CALN1: variants seen among roughly 807,000 people sequenced by gnomAD.
The protein encoded by CALN1 is calcium-binding protein 8.
A neutral mutation model predicts 30.6 loss-of-function variants in CALN1; 17 were observed. The ratio of observed to expected loss-of-function variants is 0.56; its 90% CI spans 0.38 to 0.83. The LOEUF is 0.83. CALN1 is among the 40% of genes least tolerant of loss of function. The pLI is 0.00. For synonymous variants in CALN1, 156 were observed against 131.4 expected (o/e 1.19, Z -1.28); for missense variants, 291 against 354.9 (o/e 0.82, Z 1.45).
At chr7:72,396,250 A>AG (rs1200555448) in intron 2 of CALN1, among the ~76,000 whole-genome samples, 3 of 100,216 alleles carry the variant, frequency 3.0e-5, no homozygotes, top group African/African-American at 5.6e-5. Flanking sequence ...AAAAAAAAAA[A>AG]AAAAAAAGAA....
At chr7:72,298,991 G>C (rs111287914) in intron 2 of CALN1, among the ~76,000 whole-genome samples, 1 of 152,036 alleles carries the variant, frequency 6.6e-6, no homozygotes, top group Non-Finnish European at 1.5e-5. Context: ...CCAGTCTCTG[G>C]TATGTCTTTA....
chr7:72,330,414 G>A (rs1801585361), intron 2 of CALN1, among the ~76,000 whole-genome samples: 1 of 147,422 alleles, frequency 6.8e-6, no homozygotes, highest in Non-Finnish European at 1.5e-5. Flanking sequence ...GCTGCAGGGA[G>A]CCAAGATCGT....
intron 3 of CALN1, among the ~76,000 whole-genome samples, chr7:72,253,365 A>G (rs1247178253): frequency 1.3e-5 from 2 of 152,198 alleles, no homozygotes; most frequent in Non-Finnish European, 2.9e-5. Flanking sequence ...TGATTCTGAG[A>G]TAACAATTCC....
intron 5 of CALN1, among the ~76,000 whole-genome samples, chr7:71,853,651 C>T (rs1790775549): frequency 6.6e-6 from 1 of 152,054 alleles, no homozygotes; most frequent in Non-Finnish European, 1.5e-5. Context: ...ATGATCTCAG[C>T]TCACTGCAAC....
chr7:71,805,221 C>T (rs1418566860), intron 6 of CALN1, among the ~76,000 whole-genome samples: 1 of 152,148 alleles, frequency 6.6e-6, no homozygotes, highest in African/African-American at 2.4e-5. Flanking sequence ...TGGGCTCTTC[C>T]ACCTTCTGAT....
chr7:72,211,774 G>A lies in CALN1; in HGVS notation c.244+66912C>T, dbSNP rs532925924. Among the ~76,000 whole-genome samples the A allele has an allele frequency of 1.1e-4, 16 of 152,256 alleles. No homozygotes were observed. The East Asian group carries it at 3.1e-3, about 29-fold the overall frequency. On this transcript the variant is annotated intron_variant, in intron 3 of 6. Coordinates refer to ENST00000395275, the MANE Select transcript of CALN1 (RefSeq NM_031468.4). The stretch of plus-strand genomic sequence containing the variant: ...TTGCCGGCAGATGAGGTGACAGCCG[G>A]TGATGGGGTCAGGCCTGGGTTTGAA...
At chr7:72,359,990 A>AAAAAAAAAAAAAAAAAAAC (rs1365927582) in intron 2 of CALN1, among the ~76,000 whole-genome samples, 16 of 148,288 alleles carry the variant, frequency 1.1e-4, no homozygotes, top group African/African-American at 2.5e-4. Flanking sequence ...AAAAAAAAAA[A>AAAAAAAAAAAAAAAAAAAC]ACCAAAGTTG....
At chr7:71,831,761 A>G (rs1789289062) in intron 5 of CALN1, among the ~76,000 whole-genome samples, 1 of 150,388 alleles carries the variant, frequency 6.6e-6, no homozygotes, top group African/African-American at 2.4e-5. Context: ...GTGTGGCAGC[A>G]CGCACCTGTA....
intron 5 of CALN1, among the ~76,000 whole-genome samples, chr7:71,975,143 C>T (rs915815776): frequency 4.6e-5 from 7 of 152,104 alleles, no homozygotes; most frequent in African/African-American, 1.7e-4. Context: ...TGGGCAAACC[C>T]ATCCCAGCAA....
intron 5 of CALN1, among the ~76,000 whole-genome samples, chr7:71,869,489 G>A (rs2903599): frequency 6.6e-6 from 1 of 152,102 alleles, no homozygotes; most frequent in Non-Finnish European, 1.5e-5. Context: ...TGGGATTACA[G>A]GCTTGAGCCA....
At chr7:72,090,717 C>T (rs983889793) in intron 4 of CALN1, among the ~76,000 whole-genome samples, 2 of 152,124 alleles carry the variant, frequency 1.3e-5, no homozygotes, top group African/African-American at 2.4e-5. Flanking sequence ...TAAAATGTGG[C>T]ACATTTACAC....
intron 2 of CALN1, among the ~76,000 whole-genome samples, chr7:72,340,923 C>T (rs1307731788): frequency 6.6e-6 from 1 of 152,132 alleles, no homozygotes; most frequent in Non-Finnish European, 1.5e-5. Flanking sequence ...GTGCCTTTGG[C>T]CTTCCCCCGT....
intron 4 of CALN1, among the ~76,000 whole-genome samples, chr7:72,055,207 T>C (rs1314354990): frequency 6.6e-6 from 1 of 152,038 alleles, no homozygotes; most frequent in Non-Finnish European, 1.5e-5. Flanking sequence ...GAGCTTATGC[T>C]CAATTTGCAT....
At chr7:72,301,066 A>G (rs1191533464) in intron 2 of CALN1, among the ~76,000 whole-genome samples, 1 of 152,216 alleles carries the variant, frequency 6.6e-6, no homozygotes, top group Non-Finnish European at 1.5e-5. Flanking sequence ...AAACTTTGGC[A>G]GATCCCTGGA....
intron 2 of CALN1, among the ~76,000 whole-genome samples, chr7:72,384,891 T>C (rs563888683): frequency 3.3e-5 from 5 of 152,186 alleles, no homozygotes; most frequent in African/African-American, 9.6e-5. Flanking sequence ...GAAAAATATT[T>C]GAGAACGCAT....
chr7:71,797,310 T>A (rs1786988008), intron 6 of CALN1, among the ~76,000 whole-genome samples: 1 of 152,184 alleles, frequency 6.6e-6, no homozygotes, highest in South Asian at 2.1e-4. Flanking sequence ...CTCAGGTGAT[T>A]CTTAGGATAA....
intron 4 of CALN1, among the ~76,000 whole-genome samples, chr7:72,094,188 C>T (rs1806062841): frequency 6.6e-6 from 1 of 152,170 alleles, no homozygotes; most frequent in Non-Finnish European, 1.5e-5. Flanking sequence ...ATAGGTGTAA[C>T]AATGGACTCT....
At chr7:72,463,207 C>T in the CALN1 span, among the ~76,000 whole-genome samples, 99 of 152,252 alleles carry the variant, frequency 6.5e-4, no homozygotes, top group African/African-American at 2.1e-3. Flanking sequence ...CTGCAACCTC[C>T]GCCTCCCGGG....
At chr7:72,349,999 C>T (rs188179716) in intron 2 of CALN1, among the ~76,000 whole-genome samples, 1 of 152,102 alleles carries the variant, frequency 6.6e-6, no homozygotes, top group African/African-American at 2.4e-5. Context: ...GTCATTAAAT[C>T]TTTGTCAGGA....
Sources: allele counts gnomAD v4.1 joint callset (sites outside exome capture counted in the v4.1 genomes callset), GRCh38; gene constraint gnomAD v4.1.1; transcripts MANE v1.5; gene names NCBI Gene and HGNC (gene_info 2026-07-23, HGNC 2026-07-21).